The following TMOD2 variants were observed in gnomAD, a reference collection of about 807,000 sequenced individuals.
TMOD2 encodes the protein tropomodulin-2.
A neutral mutation model predicts 39.9 loss-of-function variants in TMOD2; 22 were observed. The observed-to-expected ratio is 0.55, with a 90% CI of 0.39 to 0.79. The LOEUF (loss-of-function observed/expected upper bound fraction) is 0.79, where lower values mean the gene tolerates loss of function less well. Ranked by LOEUF, TMOD2 falls within the 30% of genes least tolerant of loss-of-function variation. The pLI, the probability that TMOD2 is intolerant of heterozygous loss-of-function variation, is 0.00. For missense variants in TMOD2, 386 were observed against 413.3 expected, an observed-to-expected ratio of 0.93 and a Z score of 0.57; for synonymous variants, 123 against 146.1, an observed-to-expected ratio of 0.84 and a Z score of 1.14.
chr15:51,797,393 C>T (rs552889831), intron 7 of TMOD2, among the ~76,000 whole-genome samples: 2 of 152,298 alleles, frequency 1.3e-5, no homozygotes, highest in South Asian at 2.1e-4. Flanking sequence ...GTTCCTAAGG[C>T]GGTTCTTTAA....
At chr15:51,775,570 CTTTT>C (rs869308022) in intron 4 of TMOD2, among the ~76,000 whole-genome samples, 3 of 81,210 alleles carry the variant, frequency 3.7e-5, no homozygotes, top group African/African-American at 1.6e-4. Flanking sequence ...ATTCTTTTTC[CTTTT>C]TTTTTTTTTT....
At chr15:51,759,169 T>C (rs1180501253) in intron 1 of TMOD2, among the ~76,000 whole-genome samples, 1 of 151,522 alleles carries the variant, frequency 6.6e-6, no homozygotes, top group Non-Finnish European at 1.5e-5. Context: ...TGGTGATTGA[T>C]GGCTGGAAAA....
At chr15:51,790,726 T>C (rs1262509994) in intron 7 of TMOD2, among the ~76,000 whole-genome samples, 1 of 152,062 alleles carries the variant, frequency 6.6e-6, no homozygotes, top group Admixed American at 6.6e-5. Context: ...ACATAATCCA[T>C]CACATAAACA....
intron 1 of TMOD2, among the ~76,000 whole-genome samples, chr15:51,762,418 A>G (rs2055787675): frequency 1.3e-5 from 2 of 152,162 alleles, no homozygotes; most frequent in Non-Finnish European, 2.9e-5. Context: ...GTACTGACAT[A>G]CAACTGAACT....
At chr15:51,807,306 T>G (rs1033868447) in intron 9 of TMOD2, among the ~76,000 whole-genome samples, 1 of 152,186 alleles carries the variant, frequency 6.6e-6, no homozygotes, top group Non-Finnish European at 1.5e-5. Context: ...AGTGCTGGCC[T>G]CAAGGAGGAC....
chr15:51,760,235 G>T (rs1453967654), intron 1 of TMOD2, among the ~76,000 whole-genome samples: 1 of 152,204 alleles, frequency 6.6e-6, no homozygotes, highest in Admixed American at 6.5e-5. Flanking sequence ...TCTTACTTTT[G>T]TGGAAGTTAG....
chr15:51,753,361 A>C (rs752437232), intron 1 of TMOD2, among the ~76,000 whole-genome samples: 3 of 152,216 alleles, frequency 2.0e-5, no homozygotes, highest in Non-Finnish European at 4.4e-5. Context: ...CCAAATGACC[A>C]AGTTTAGCAG....
chr15:51,792,955 A>G (rs1448723315), intron 7 of TMOD2, among the ~76,000 whole-genome samples: 1 of 152,220 alleles, frequency 6.6e-6, no homozygotes, highest in African/African-American at 2.4e-5. Context: ...TGGCACGTGT[A>G]TACCTATGTA....
intron 4 of TMOD2, among the ~76,000 whole-genome samples, chr15:51,775,570 CTTTTTTTTTTT>C (rs869308022): frequency 1.2e-5 from 1 of 81,210 alleles, no homozygotes; most frequent in African/African-American, 5.2e-5. Flanking sequence ...ATTCTTTTTC[CTTTTTTTTTTT>C]TTTTTTTTTT....
chr15:51,775,140 A>T (rs1192836916), intron 4 of TMOD2, among the ~76,000 whole-genome samples: 1 of 152,188 alleles, frequency 6.6e-6, no homozygotes, highest in African/African-American at 2.4e-5. Context: ...TAGATAAGAA[A>T]GAGTGTCGGC....
In TMOD2 at chr15:51,801,229, T is replaced by TCA. The variant is rs1391987137; in HGVS notation, c.876+2890_876+2891insAC. On this transcript the variant is annotated intron_variant, in intron 8 of 9. Coordinates refer to ENST00000249700, the MANE Select transcript of TMOD2 (RefSeq NM_014548.4). ...TTCATTCTCTCTCCCTCTCTCTCTC[T>TCA]CTCTCTCTCACACACACACACACAC... is the stretch of plus-strand genomic sequence containing the variant. 6.2e-3 allele frequency among the ~76,000 whole-genome samples: 606 copies of TCA among 98,444 alleles called. 2 individuals are homozygous for TCA. The highest frequency in any genetic ancestry group is 0.011 in the African/African-American group (234 of 21,042). The allele number at this position is 98,444 out of a possible 152,430, so 64.6% of individuals were successfully genotyped here.
chr15:51,800,688 T>TTC (rs2056081191), intron 8 of TMOD2, among the ~76,000 whole-genome samples: 1 of 152,174 alleles, frequency 6.6e-6, no homozygotes, highest in South Asian at 2.1e-4. Context: ...CTTCTCTTTA[T>TTC]TTCTTTTTTT....
At position 51,781,061 on chromosome 15, in the gene TMOD2, A is replaced by G; in HGVS notation, c.511A>G (p.Lys171Glu). 6.2e-7 allele frequency: 1 copy of G among 1,602,882 alleles called. No individual in the cohort carries two copies. The highest frequency in any genetic ancestry group is 8.5e-7 in the Non-Finnish European group (1 of 1,176,952). ...TGTTTTAGATGTTGTCAAAGGTGAA[A>G]AAGTAAAGCCAGTATTTGAGGAACC... is the stretch of plus-strand genomic sequence containing the variant. ...GPVRNVVKGE[K>E]VKPVFEEPPN... Residue 171 changes from lysine (K) to glutamate (E), a missense_variant, in exon 6 of 10, where the codon AAA (lysine) becomes GAA (glutamate). Transcript: ENST00000249700.
intron 2 of TMOD2, among the ~76,000 whole-genome samples, 153 bp from the exon 3 acceptor site, chr15:51,768,109 C>T (rs1227333763): frequency 1.3e-5 from 2 of 152,354 alleles, no homozygotes; most frequent in African/African-American, 2.4e-5. Context: ...GCCTCAGAGG[C>T]GTCCCAGAGC....
chr15:51,799,952 C>T (rs536197581), intron 8 of TMOD2, among the ~76,000 whole-genome samples: 4 of 152,282 alleles, frequency 2.6e-5, no homozygotes, highest in African/African-American at 9.6e-5. Context: ...TAATATCACA[C>T]ACTCTGTCCC....
chr15:51,772,447 T>G (rs2055859848), intron 3 of TMOD2, among the ~76,000 whole-genome samples: 1 of 152,154 alleles, frequency 6.6e-6, no homozygotes, highest in Non-Finnish European at 1.5e-5. Context: ...GGCTCGAAGT[T>G]AGGAGCAGGA....
At chr15:51,786,179 C>T (rs1021804328) in intron 7 of TMOD2, among the ~76,000 whole-genome samples, 2 of 152,056 alleles carry the variant, frequency 1.3e-5, no homozygotes, top group Non-Finnish European at 2.9e-5. Context: ...ACACCACCCT[C>T]CTCCCCTCCT....
intron 3 of TMOD2, 39 bp downstream of exon 3, chr15:51,768,457 T>TCC: frequency 6.6e-7 from 1 of 1,517,820 alleles, no homozygotes; most frequent in Admixed American, 2.4e-5. Flanking sequence ...ACAGAGGTTC[T>TCC]CTCTTTTTTT....
At chr15:51,757,401 C>CAAA (rs3078133) in intron 1 of TMOD2, among the ~76,000 whole-genome samples, 27 of 81,876 alleles carry the variant, frequency 3.3e-4, no homozygotes, top group Admixed American at 1.4e-3. Flanking sequence ...GACTCCGTCT[C>CAAA]AAAAAAAAAA....
Sources: allele counts gnomAD v4.1 joint callset (sites outside exome capture counted in the v4.1 genomes callset), GRCh38; gene constraint gnomAD v4.1.1; transcripts MANE v1.5; gene names NCBI Gene and HGNC (gene_info 2026-07-23, HGNC 2026-07-21).